The following CHRDL2 variants were observed in gnomAD, a reference collection of about 807,000 sequenced individuals.
CHRDL2 encodes chordin-like protein 2.
A neutral mutation model predicts 54.3 loss-of-function variants in CHRDL2; 41 were observed. The observed-to-expected ratio is 0.76, with a 90% CI of 0.59 to 0.98. The LOEUF is 0.98. Ranked by LOEUF, CHRDL2 falls within the 50% of genes least tolerant of loss-of-function variation. The probability of loss-of-function intolerance (pLI) is 0.00; values close to 1 mark genes in which losing one functional copy is unlikely to be tolerated. For synonymous variants in CHRDL2, 220 were observed against 224.3 expected (o/e 0.98, Z 0.17); for missense variants, 518 against 562.4 (o/e 0.92, Z 0.80).
intron 2 of CHRDL2, among the ~76,000 whole-genome samples, chr11:74,714,011 G>C (rs570457827): frequency 1.3e-5 from 2 of 152,270 alleles, no homozygotes; most frequent in African/African-American, 4.8e-5. Flanking sequence ...ACCAGAGAAG[G>C]AGGGGCCTGA....
In CHRDL2 at chr11:74,696,502, G is replaced by T. The variant is rs2033592720; in HGVS notation, c.*7C>A. Reference sequence around the variant, plus strand: ...TACAGCTCATATCTGCAACTGTTAGGTCTTTGTTATGTCTTGGTCACTTTG... The same window carrying T: ...TACAGCTCATATCTGCAACTGTTAGTTCTTTGTTATGTCTTGGTCACTTTG... On this transcript the variant is annotated 3_prime_UTR_variant, in exon 11 of 11. Coordinates refer to ENST00000376332, the MANE Select transcript of CHRDL2 (RefSeq NM_001278473.3). 4 of 1,609,652 alleles carry T rather than the reference G, an allele frequency of 2.5e-6. No individual in the cohort carries two copies. Among genetic ancestry groups the T allele is most frequent in the Non-Finnish European group, 3.4e-6 (4 of 1,175,966 alleles).
At chr11:74,723,348 G>A (rs935963949) in intron 1 of CHRDL2, among the ~76,000 whole-genome samples, 1 of 152,098 alleles carries the variant, frequency 6.6e-6, no homozygotes, top group South Asian at 2.1e-4. Flanking sequence ...CTCATCCTTG[G>A]GTGATACATT....
rs538148268 is a variant in CHRDL2 at position 74,710,967 on chromosome 11, C to G, written c.314G>C (p.Arg105Pro). The change falls in exon 4 of 11, where the codon CGG becomes CCG. Residue 105 changes from arginine (R) to proline (P), a missense_variant. Physicochemically the swap from Arg to Pro is moderately radical, Grantham distance 103 (BLOSUM62 -2). Transcript: ENST00000376332. The stretch of plus-strand genomic sequence containing the variant: ...GTGCTGGCAGGACTTTGGTGGGGCC[C>G]GGAGTCCAGAGGGAGTGTGAGGTTC... ...CVEPHTPSGLRAPPKSCQHNG... is the reference protein window; with the variant it reads ...CVEPHTPSGLPAPPKSCQHNG... 6.2e-7 allele frequency: 1 copy of G among 1,613,944 alleles called. No homozygotes were observed. The highest frequency in any genetic ancestry group is 1.7e-5 in the Admixed American group (1 of 60,004).
At chr11:74,728,138 C>G (rs2034599054) in intron 1 of CHRDL2, among the ~76,000 whole-genome samples, 1 of 152,128 alleles carries the variant, frequency 6.6e-6, no homozygotes, top group Non-Finnish European at 1.5e-5. Flanking sequence ...GAAATAGAAC[C>G]AAAGAGAGAA....
intron 6 of CHRDL2, among the ~76,000 whole-genome samples, chr11:74,705,259 G>A (rs1311189117): frequency 6.6e-6 from 1 of 152,228 alleles, no homozygotes; most frequent in Non-Finnish European, 1.5e-5. Flanking sequence ...AGGGCTGTCA[G>A]TGACAGCAAT....
intron 1 of CHRDL2, among the ~76,000 whole-genome samples, chr11:74,726,707 G>A (rs1479899002): frequency 2.0e-5 from 3 of 152,206 alleles, no homozygotes; most frequent in South Asian, 2.1e-4. Context: ...AGCTGTTGCC[G>A]GGCTCAGGCT....
chr11:74,730,997 T>G lies in CHRDL2; in HGVS notation c.-109A>C. The stretch of plus-strand genomic sequence containing the variant: ...AGATCAACCCACAGACCCCAGGAGG[T>G]CTGCTGCTAGAGCGGGGTCGGAGAA... On this transcript the variant is annotated 5_prime_UTR_variant, in exon 1 of 11. Transcript: ENST00000376332. 1 of 872,222 alleles carries G rather than the reference T, an allele frequency of 1.1e-6. No individual in the cohort carries two copies. The highest frequency in any genetic ancestry group is 2.7e-5 in the East Asian group (1 of 36,922). The allele number at this position is 872,222 out of a possible 1,614,324, so 54.0% of individuals were successfully genotyped here.
intron 1 of CHRDL2, among the ~76,000 whole-genome samples, chr11:74,723,726 G>A (rs769732513): frequency 5.9e-5 from 9 of 152,176 alleles, no homozygotes; most frequent in Non-Finnish European, 8.8e-5. Flanking sequence ...CATCTACAGC[G>A]TGGGCACACT....
chr11:74,727,169 T>G (rs908301792), intron 1 of CHRDL2, among the ~76,000 whole-genome samples: 2 of 152,204 alleles, frequency 1.3e-5, no homozygotes, highest in Admixed American at 6.5e-5. Flanking sequence ...CATCTCACTT[T>G]ACAGGGGAGA....
chr11:74,720,387 TA>T (rs955636028), intron 1 of CHRDL2: 20 of 154,236 alleles, frequency 1.3e-4, no homozygotes, highest in African/African-American at 4.8e-4. Flanking sequence ...GCCACTTGCC[TA>T]AAGTCCTCCG....
At chr11:74,726,820 CCGGA>C (rs1294088002) in intron 1 of CHRDL2, among the ~76,000 whole-genome samples, 1 of 152,086 alleles carries the variant, frequency 6.6e-6, no homozygotes, top group Non-Finnish European at 1.5e-5. Flanking sequence ...CAGCCTGGAG[CCGGA>C]CTTCAGGCCT....
At chr11:74,700,622 T>TTTA (rs1554984202) in intron 9 of CHRDL2, among the ~76,000 whole-genome samples, 59 of 140,364 alleles carry the variant, frequency 4.2e-4, no homozygotes, top group Admixed American at 7.9e-4. Flanking sequence ...GAATCTTTTT[T>TTTA]TTATTATTAT....
At chr11:74,714,193 ACT>A (rs1000519497) in intron 2 of CHRDL2, among the ~76,000 whole-genome samples, 2 of 151,086 alleles carry the variant, frequency 1.3e-5, no homozygotes, top group Non-Finnish European at 2.9e-5. Flanking sequence ...CTTGTTCTTC[ACT>A]CTGTTACAAG....
At position 74,696,525 on chromosome 11, in the gene CHRDL2, TTGTC is replaced by T. The variant is rs753597569; in HGVS notation, c.1270_1273del (p.Asp424LysfsTer2). ...AGGTCTTTGTTATGTCTTGGTCACT[TTGTC>T]TGGACTGGCCGTGACCTTCAGCTCC... On this transcript the variant is annotated frameshift_variant, in exon 11 of 11. Transcript: ENST00000376332. LOFTEE classifies it high-confidence loss of function. The T allele has an allele frequency of 5.5e-5, 88 of 1,613,954 alleles. No individual in the cohort carries two copies. The highest frequency in any genetic ancestry group is 7.4e-5 in the Non-Finnish European group (87 of 1,179,938).
At chr11:74,710,452 C>G (rs778174143) in intron 4 of CHRDL2, among the ~76,000 whole-genome samples, 55 of 152,204 alleles carry the variant, frequency 3.6e-4, no homozygotes, top group Non-Finnish European at 2.1e-4. Flanking sequence ...CCATTTGCTA[C>G]AGATAATCTG....
At position 74,710,873 on chromosome 11, in the gene CHRDL2, G is replaced by T; in HGVS notation, c.408C>A (p.Asn136Lys). Residue 136 changes from asparagine to lysine, a missense_variant, in exon 4 of 11, where the codon AAC becomes AAA. Transcript: ENST00000376332. ...AHELFPSRLP[N>K]QCVLCSCTEG... ...CTGTGCAGCTGCAGAGGACACACTGGTTGGGCAGGCGGGAGGGGAACAGCT... is the reference window on the plus strand; with the variant it reads ...CTGTGCAGCTGCAGAGGACACACTGTTTGGGCAGGCGGGAGGGGAACAGCT... The T allele has an allele frequency of 6.2e-7, 1 of 1,614,148 alleles. No individual in the cohort carries two copies. The highest frequency in any genetic ancestry group is 8.5e-7 in the Non-Finnish European group (1 of 1,180,028).
At position 74,718,536 on chromosome 11, in the gene CHRDL2, G is replaced by T. The variant is rs4944941; in HGVS notation, c.195+184C>A. On this transcript the variant is annotated intron_variant, in intron 2 of 10. Coordinates refer to ENST00000376332, the MANE Select transcript of CHRDL2 (RefSeq NM_001278473.3). ...TAATGTTTGTGTGACTTATCTTTGG[G>T]AGGTACACAGTAGCCATCTAATCCT... Among the ~76,000 whole-genome samples, 652 of 152,308 alleles carry T rather than the reference G, an allele frequency of 4.3e-3. 5 individuals are homozygous for T. Among genetic ancestry groups the T allele is most frequent in the Non-Finnish European group, 7.6e-3 (515 of 68,028 alleles).
chr11:74,716,540 CAA>C (rs751918696), intron 2 of CHRDL2, among the ~76,000 whole-genome samples: 6 of 57,632 alleles, frequency 1.0e-4, no homozygotes, highest in Non-Finnish European at 1.7e-4. Flanking sequence ...ACTCCATCTC[CAA>C]AAAAAAAAAA....
At chr11:74,713,342 A>T in intron 3 of CHRDL2, 44 bp downstream of exon 3, 1 of 1,526,878 alleles carries the variant, frequency 6.5e-7, no homozygotes, top group Non-Finnish European at 9.1e-7. Flanking sequence ...CACTGGGAGT[A>T]GGAGAAAGGT....
Sources: allele counts gnomAD v4.1 joint callset (sites outside exome capture counted in the v4.1 genomes callset), GRCh38; gene constraint gnomAD v4.1.1; transcripts MANE v1.5; gene names NCBI Gene and HGNC (gene_info 2026-07-23, HGNC 2026-07-21).